The following L3MBTL4 variants were observed in gnomAD, a reference collection of about 807,000 sequenced individuals.
L3MBTL4 encodes lethal(3)malignant brain tumor-like protein 4.
Under a neutral mutation model 84.5 loss-of-function variants are expected in L3MBTL4, and 70 were observed. That is an observed-to-expected ratio of 0.83 (90% CI 0.68 to 1.01). L3MBTL4 has a LOEUF of 1.01. Among genes scored for constraint, L3MBTL4 ranks in the 50% least tolerant of loss-of-function variants. The probability of loss-of-function intolerance (pLI) is 0.00; values close to 1 mark genes in which losing one functional copy is unlikely to be tolerated. For synonymous variants in L3MBTL4, 274 were observed against 259.8 expected (o/e 1.05, Z -0.52); for missense variants, 715 against 754.8 (o/e 0.95, Z 0.62).
At chr18:6,268,829 CGT>C (rs1053349022) in intron 4 of L3MBTL4, among the ~76,000 whole-genome samples, 2 of 151,420 alleles carry the variant, frequency 1.3e-5, no homozygotes, top group Non-Finnish European at 3.0e-5. Flanking sequence ...TATGTGTATA[CGT>C]GTGTGTGTGT....
intron 1 of L3MBTL4, among the ~76,000 whole-genome samples, chr18:6,388,682 G>A (rs1217605595): frequency 6.6e-6 from 1 of 152,170 alleles, no homozygotes; most frequent in African/African-American, 2.4e-5. Flanking sequence ...GGGTTTATTT[G>A]TGTAATTAAC....
chr18:6,415,258 CCCTCTCGGTCCTGCTGCTCGCT>C (rs1376873657), upstream of L3MBTL4: 1 of 152,750 alleles, frequency 6.5e-6, no homozygotes. Flanking sequence ...TCCTCCGGAT[CCCTCTCGGTCCTGCTGCTCGCT>C]CCGATTTTGC....
At chr18:6,025,337 G>C (rs2055452036) in intron 16 of L3MBTL4, 1 of 152,172 alleles carries the variant, frequency 6.6e-6, no homozygotes, top group Non-Finnish European at 1.5e-5. Flanking sequence ...AATTCAGACA[G>C]GGCATCCACT....
At chr18:6,052,469 T>C (rs934048954) in intron 16 of L3MBTL4, among the ~76,000 whole-genome samples, 1 of 152,230 alleles carries the variant, frequency 6.6e-6, no homozygotes, top group African/African-American at 2.4e-5. Flanking sequence ...TATTGGATTG[T>C]AATAACTATG....
intron 16 of L3MBTL4, among the ~76,000 whole-genome samples, chr18:6,039,154 C>A (rs981838990): frequency 4.6e-5 from 7 of 152,022 alleles, no homozygotes; most frequent in Non-Finnish European, 7.4e-5. Context: ...TCAAACCTAC[C>A]CTCCCCAAAC....
In L3MBTL4 at chr18:6,414,198, G is replaced by C. The variant is rs1330515544; in HGVS notation, c.-91+603C>G. 3 of 152,356 alleles carry C rather than the reference G, an allele frequency of 2.0e-5. No homozygotes were observed. Among genetic ancestry groups the C allele is most frequent in the African/African-American group, 7.2e-5 (3 of 41,460 alleles). 9.4% of individuals were successfully genotyped at this position (152,356 alleles called of 1,614,324 possible). ...CCCGCCCGCCCTGCGCGCACTCCCTGGGCTCCCGCTCCCGAGGCTGGGCAG... is the reference window on the plus strand; with the variant it reads ...CCCGCCCGCCCTGCGCGCACTCCCTCGGCTCCCGCTCCCGAGGCTGGGCAG... On this transcript the variant is annotated intron_variant, in intron 1 of 18. Transcript: ENST00000317931. The surrounding 1 kb of genome is among the most constrained non-coding windows in gnomAD (Gnocchi z 5.4).
At chr18:6,297,211 C>A (rs1253699494) in intron 4 of L3MBTL4, among the ~76,000 whole-genome samples, 1 of 152,152 alleles carries the variant, frequency 6.6e-6, no homozygotes, top group Non-Finnish European at 1.5e-5. Flanking sequence ...TGAGGAAATA[C>A]TGTTGCTCTT....
chr18:6,305,004 A>C (rs2050518996), intron 3 of L3MBTL4, among the ~76,000 whole-genome samples: 1 of 152,224 alleles, frequency 6.6e-6, no homozygotes, highest in Non-Finnish European at 1.5e-5. Context: ...TATTCCACAC[A>C]AAAACAACAT....
chr18:6,156,001 T>A (rs1168205542), intron 13 of L3MBTL4, among the ~76,000 whole-genome samples: 1 of 152,184 alleles, frequency 6.6e-6, no homozygotes, highest in Non-Finnish European at 1.5e-5. Flanking sequence ...AATGAAAGAT[T>A]TTCCAAGATG....
chr18:6,238,666 T>C (rs1434608486), intron 9 of L3MBTL4, among the ~76,000 whole-genome samples: 1 of 152,186 alleles, frequency 6.6e-6, no homozygotes, highest in East Asian at 1.9e-4. Flanking sequence ...AAAATATTAA[T>C]AGGACAGTCC....
At chr18:6,410,062 G>A (rs1231832903) in intron 1 of L3MBTL4, among the ~76,000 whole-genome samples, 3 of 146,066 alleles carry the variant, frequency 2.1e-5, no homozygotes, top group African/African-American at 5.1e-5. Flanking sequence ...CTGGATACCT[G>A]CAATGGCATC....
intron 1 of L3MBTL4, among the ~76,000 whole-genome samples, chr18:6,337,641 A>G (rs2052406397): frequency 6.6e-6 from 1 of 152,142 alleles, no homozygotes; most frequent in Admixed American, 6.5e-5. Context: ...TTTCTAAAGT[A>G]CTGGGAATGT....
intron 1 of L3MBTL4, among the ~76,000 whole-genome samples, chr18:6,334,005 A>C (rs2052192654): frequency 6.6e-6 from 1 of 152,242 alleles, no homozygotes; most frequent in Non-Finnish European, 1.5e-5. Context: ...CAAACGATGC[A>C]ATATTTGATT....
rs2043983273 is a variant in L3MBTL4 at position 6,171,808 on chromosome 18, A to G, written c.1096+20T>C. 1 of 1,412,372 alleles carries G rather than the reference A, an allele frequency of 7.1e-7. No individual in the cohort carries two copies. Among genetic ancestry groups the G allele is most frequent in the Admixed American group, 2.1e-5 (1 of 46,566 alleles). The allele number at this position is 1,412,372 out of a possible 1,614,324, so 87.5% of individuals were successfully genotyped here. ...CAGGCCAAGTATTTAAAAAGCAACA[A>G]CAAAGAGCAAAGTACTCACGCTGTG... is the stretch of plus-strand genomic sequence containing the variant. On this transcript the variant is annotated intron_variant, in intron 13 of 18. Coordinates refer to ENST00000317931, the MANE Select transcript of L3MBTL4 (RefSeq NM_001330559.2).
rs372474741 is a variant in L3MBTL4 at position 6,411,057 on chromosome 18, CATA to C, written c.-91+3741_-91+3743del. ...CCGTGGAAAAAATCGTTTGTATTTGCATAATAAAATATGGATAAATTATCCTAA... is the reference window on the plus strand; with the variant it reads ...CCGTGGAAAAAATCGTTTGTATTTGCATAAAATATGGATAAATTATCCTAA... On this transcript the variant is annotated intron_variant, in intron 1 of 18. Transcript: ENST00000317931. Among the ~76,000 whole-genome samples the C allele has an allele frequency of 3.3e-5, 5 of 152,258 alleles. No homozygotes were observed. In the South Asian group the frequency reaches 1.0e-3, roughly 32 times the overall value.
intron 16 of L3MBTL4, among the ~76,000 whole-genome samples, chr18:5,980,421 T>C (rs967575357): frequency 6.9e-6 from 1 of 145,648 alleles, no homozygotes; most frequent in East Asian, 2.2e-4. Flanking sequence ...ATAAATAAAT[T>C]AGTTTGCGCT....
At chr18:6,054,494 C>A (rs2056945206) in intron 16 of L3MBTL4, among the ~76,000 whole-genome samples, 1 of 152,288 alleles carries the variant, frequency 6.6e-6, no homozygotes, top group East Asian at 1.9e-4. Flanking sequence ...TGAATGGAAC[C>A]ACTTAGCAAA....
chr18:6,158,051 G>A (rs190002315), intron 13 of L3MBTL4, among the ~76,000 whole-genome samples: 7 of 152,302 alleles, frequency 4.6e-5, no homozygotes, highest in African/African-American at 7.2e-5. Context: ...GGTGGCAGGC[G>A]AGAGCCCAAG....
chr18:6,115,087 T>C (rs995424692), intron 14 of L3MBTL4, among the ~76,000 whole-genome samples: 3 of 152,048 alleles, frequency 2.0e-5, no homozygotes, highest in Admixed American at 2.0e-4. Context: ...AGAAGCAAGC[T>C]CATTTTGAAG....
Sources: gnomAD v4.1 joint callset for allele counts (sites outside exome capture counted in the v4.1 genomes callset) on GRCh38, gnomAD v4.1.1 for gene constraint, Gnocchi (gnomAD v3.1) non-coding constraint, MANE v1.5 for transcripts, NCBI Gene and HGNC (gene_info 2026-07-23, HGNC 2026-07-21) for gene names.